Variants in ZFAND3 observed in about 807,000 individuals in gnomAD.
The protein encoded by ZFAND3 is AN1-type zinc finger protein 3.
A neutral mutation model predicts 29.6 loss-of-function variants in ZFAND3; 10 were observed. That is an observed-to-expected ratio of 0.34 (90% confidence interval 0.21 to 0.57). ZFAND3 has a LOEUF of 0.57. Among genes scored for constraint, ZFAND3 ranks in the 20% least tolerant of loss-of-function variants. ZFAND3 has a pLI of 0.86. For missense variants in ZFAND3, 230 were observed against 304.5 expected (o/e 0.76, Z 1.82); for synonymous variants, 128 against 112.6 (o/e 1.14, Z -0.87).
At chr6:37,934,350 G>A (rs1488110125) in intron 2 of ZFAND3, among the ~76,000 whole-genome samples, 2 of 151,972 alleles carry the variant, frequency 1.3e-5, no homozygotes, top group Non-Finnish European at 1.5e-5. Flanking sequence ...TTAAGAGAAA[G>A]GCCTTGACCT....
At chr6:37,990,426 A>C (rs1431713000) in intron 2 of ZFAND3, among the ~76,000 whole-genome samples, 1 of 152,216 alleles carries the variant, frequency 6.6e-6, no homozygotes, top group African/African-American at 2.4e-5. Context: ...AAAGAGAAAT[A>C]CTGTATTTGA....
intron 5 of ZFAND3, among the ~76,000 whole-genome samples, chr6:38,145,778 C>T (rs1766092786): frequency 6.6e-6 from 1 of 152,166 alleles, no homozygotes; most frequent in African/African-American, 2.4e-5. Context: ...GGGCCATAGG[C>T]CCCATTTCTG....
At chr6:38,062,336 T>A (rs1013976201) in intron 3 of ZFAND3, 6 of 152,238 alleles carry the variant, frequency 3.9e-5, no homozygotes, top group African/African-American at 1.2e-4. Flanking sequence ...CTTCTGTAAG[T>A]CTTCAGTGTT....
intron 2 of ZFAND3, among the ~76,000 whole-genome samples, chr6:38,010,154 A>G (rs1763120668): frequency 6.6e-6 from 1 of 152,250 alleles, no homozygotes; most frequent in Non-Finnish European, 1.5e-5. Context: ...GTGCCAGGTG[A>G]GAACCAGCCC....
chr6:37,990,155 G>A (rs996392535), intron 2 of ZFAND3, among the ~76,000 whole-genome samples: 3 of 152,160 alleles, frequency 2.0e-5, no homozygotes, highest in African/African-American at 7.2e-5. Context: ...GACTCTCTAG[G>A]TCTGGGTAAG....
At chr6:37,831,075 A>G (rs187714226) in intron 1 of ZFAND3, among the ~76,000 whole-genome samples, 81 of 152,290 alleles carry the variant, frequency 5.3e-4, no homozygotes, top group Non-Finnish European at 1.3e-4. Flanking sequence ...TTTGGAATCA[A>G]AGATCTGGAT....
At chr6:37,841,506 T>C (rs1410298425) in intron 1 of ZFAND3, among the ~76,000 whole-genome samples, 1 of 152,144 alleles carries the variant, frequency 6.6e-6, no homozygotes, top group African/African-American at 2.4e-5. Flanking sequence ...GTTTTTGAGA[T>C]GGAGCCTGGC....
chr6:37,834,003 A>G (rs1763915887), intron 1 of ZFAND3, among the ~76,000 whole-genome samples: 1 of 152,124 alleles, frequency 6.6e-6, no homozygotes, highest in African/African-American at 2.4e-5. Flanking sequence ...TGATGAACCT[A>G]CAGTGACACA....
At chr6:37,872,158 A>G (rs1464921968) in intron 1 of ZFAND3, among the ~76,000 whole-genome samples, 1 of 152,164 alleles carries the variant, frequency 6.6e-6, no homozygotes, top group Non-Finnish European at 1.5e-5. Flanking sequence ...TTCTATCTGG[A>G]TTCTATTACC....
intron 4 of ZFAND3, among the ~76,000 whole-genome samples, chr6:38,101,439 C>G (rs1765090439): frequency 6.6e-6 from 1 of 152,118 alleles, no homozygotes; most frequent in South Asian, 2.1e-4. Flanking sequence ...AGAAATCTAA[C>G]TTTTGGTTCA....
chr6:38,108,646 C>T (rs1318411713), intron 4 of ZFAND3, among the ~76,000 whole-genome samples: 1 of 152,198 alleles, frequency 6.6e-6, no homozygotes, highest in Non-Finnish European at 1.5e-5. Flanking sequence ...CCTTCTTCCT[C>T]CTGCTGTGTT....
intron 3 of ZFAND3, among the ~76,000 whole-genome samples, chr6:38,069,948 A>C (rs1306292311): frequency 1.3e-5 from 2 of 152,226 alleles, no homozygotes; most frequent in Non-Finnish European, 2.9e-5. Context: ...CAAGTAAAAC[A>C]TGACTACATT....
At chr6:38,092,794 A>C (rs1764900345) in intron 4 of ZFAND3, among the ~76,000 whole-genome samples, 1 of 152,260 alleles carries the variant, frequency 6.6e-6, no homozygotes, top group African/African-American at 2.4e-5. Context: ...TAACGGAGCC[A>C]CAGAAGAATA....
intron 1 of ZFAND3, among the ~76,000 whole-genome samples, chr6:37,914,650 C>CTT (rs1561932289): frequency 2.8e-5 from 3 of 106,536 alleles, no homozygotes; most frequent in Non-Finnish European, 6.2e-5. Context: ...TATTTTCTTT[C>CTT]TTTCTTTCTT....
chr6:37,970,860 G>A (rs915614278), intron 2 of ZFAND3, among the ~76,000 whole-genome samples: 1 of 152,146 alleles, frequency 6.6e-6, no homozygotes, highest in East Asian at 1.9e-4. Context: ...AGCTGAGATC[G>A]CACCACTGCA....
chr6:38,144,205 ATATATAATATATAATATATATATATATT>A (rs1211235139), intron 5 of ZFAND3, among the ~76,000 whole-genome samples: 851 of 44,332 alleles, frequency 0.019, 41 homozygotes, highest in African/African-American at 0.093. Context: ...ATATATATAT[ATATATAATATATAATATATATATATATT>A]TTTTTTTTAA....
At chr6:37,911,421 T>G (rs1765518967) in intron 1 of ZFAND3, among the ~76,000 whole-genome samples, 2 of 152,238 alleles carry the variant, frequency 1.3e-5, no homozygotes, top group Non-Finnish European at 2.9e-5. Context: ...TTGAGCTCCT[T>G]GTATATTTTA....
chr6:38,066,791 TG>T (rs1764354999), intron 3 of ZFAND3, among the ~76,000 whole-genome samples: 2 of 152,328 alleles, frequency 1.3e-5, no homozygotes, highest in Admixed American at 1.3e-4. Context: ...GACAAAAGTA[TG>T]TAAAACTTAG....
At chr6:37,952,312 G>A (rs377064858) in intron 2 of ZFAND3, among the ~76,000 whole-genome samples, 3 of 152,246 alleles carry the variant, frequency 2.0e-5, no homozygotes, top group African/African-American at 7.2e-5. Flanking sequence ...GTAGAATTCA[G>A]CTGTGAGTCT....
Sources: allele counts gnomAD v4.1 joint callset (sites outside exome capture counted in the v4.1 genomes callset), GRCh38; gene constraint gnomAD v4.1.1; transcripts MANE v1.5; gene names NCBI Gene and HGNC (gene_info 2026-07-23, HGNC 2026-07-21).